Variants in ABRAXAS1 observed in about 807,000 individuals in gnomAD.
ABRAXAS1 encodes abraxas 1, BRCA1 A complex subunit, also known as BRCA1-A complex subunit Abraxas 1.
A neutral mutation model predicts 38.4 loss-of-function variants in ABRAXAS1; 26 were observed. That is an observed-to-expected ratio of 0.68 (90% CI 0.50 to 0.94). ABRAXAS1 has a LOEUF of 0.94. Among genes scored for constraint, ABRAXAS1 ranks in the 40% least tolerant of loss-of-function variants. ABRAXAS1 has a pLI of 0.00. For missense variants in ABRAXAS1, 438 were observed against 481.9 expected (o/e 0.91, Z 0.85); for synonymous variants, 144 against 165.5 (o/e 0.87, Z 1.00).
At chr4:83,466,047 GACTAAGCAC>G (rs1560572561) in intron 7 of ABRAXAS1, among the ~76,000 whole-genome samples, 1 of 152,110 alleles carries the variant, frequency 6.6e-6, no homozygotes, top group African/African-American at 2.4e-5. Flanking sequence ...CCTAGCCAAT[GACTAAGCAC>G]ACTGCAGGTA....
intron 3 of ABRAXAS1, among the ~76,000 whole-genome samples, chr4:83,475,047 G>A (rs1474881849): frequency 1.3e-5 from 2 of 152,148 alleles, no homozygotes; most frequent in Non-Finnish European, 2.9e-5. Flanking sequence ...AAAAGGCTCA[G>A]GCATTGGTTT....
intron 7 of ABRAXAS1, among the ~76,000 whole-genome samples, chr4:83,464,178 C>A (rs1431240860): frequency 6.6e-6 from 1 of 152,186 alleles, no homozygotes; most frequent in African/African-American, 2.4e-5. Flanking sequence ...CAGAGTGAGA[C>A]CCTGTCTCAA....
At position 83,470,364 on chromosome 4, in the gene ABRAXAS1, A is replaced by G. The variant is rs375331034; in HGVS notation, c.315T>C (p.His105=). 7 of 1,613,518 alleles carry G rather than the reference A, an allele frequency of 4.3e-6. No homozygotes were observed. The African/African-American group carries it at 9.3e-5, about 22-fold the overall frequency. Residue 105 remains histidine, a synonymous_variant, in exon 5 of 9, where the codon CAT becomes CAC. Transcript: ENST00000321945. Reference sequence around the variant, plus strand: ...CTCTAAACGTCATGATCTGATCTGAATGACGACGGAATTTGTACCAACCTA... The same window carrying G: ...CTCTAAACGTCATGATCTGATCTGAGTGACGACGGAATTTGTACCAACCTA... ...NVVGWYKFRR[H]SDQIMTFRER...
intron 5 of ABRAXAS1, 49 bp from the exon 6 acceptor site, chr4:83,469,200 T>C: frequency 6.9e-7 from 1 of 1,457,162 alleles, no homozygotes; most frequent in Non-Finnish European, 9.6e-7. Flanking sequence ...AAAGAAAGAT[T>C]AGTATCTACC....
chr4:83,468,769 A>G (rs1722475413), intron 6 of ABRAXAS1, among the ~76,000 whole-genome samples: 1 of 152,190 alleles, frequency 6.6e-6, no homozygotes, highest in African/African-American at 2.4e-5. Flanking sequence ...CCAACTCCTC[A>G]GCTCAAGTGA....
rs1424511449 is a variant in ABRAXAS1 at position 83,472,283 on chromosome 4, T to G, written c.221A>C (p.Tyr74Ser). The G allele has an allele frequency of 6.7e-7, 1 of 1,496,872 alleles. No homozygotes were observed. 92.7% of individuals were successfully genotyped at this position (1,496,872 alleles called of 1,614,324 possible). The part of the protein sequence containing the change: ...YIPCYQLFSF[Y>S]NSSGEVNEQA... ...CTCATTTACTTCGCCTGAAGAATTA[T>G]AAAAGCTGTAAAAGCCAAAATTAAA... Residue 74 changes from tyrosine to serine, a missense_variant, in exon 4 of 9, where the codon TAT becomes TCT. By Grantham distance (144) the Tyr-to-Ser change is moderately radical. Transcript: ENST00000321945.
chr4:83,472,254 C>A lies in ABRAXAS1; in HGVS notation c.250G>T (p.Ala84Ser). The A allele has an allele frequency of 1.3e-6, 2 of 1,531,938 alleles. No homozygotes were observed. Among genetic ancestry groups the A allele is most frequent in the Admixed American group, 2.1e-5 (1 of 48,362 alleles). 94.9% of individuals were successfully genotyped at this position (1,531,938 alleles called of 1,614,324 possible). ...ACATTTGATAATATTTTCTTCAGTG[C>A]TTGCTCATTTACTTCGCCTGAAGAA... Reference protein sequence around the residue: ...YNSSGEVNEQALKKILSNVKK... With the variant: ...YNSSGEVNEQSLKKILSNVKK... The change falls in exon 4 of 9, where the codon GCA becomes TCA. Residue 84 changes from alanine (A) to serine (S), a missense_variant. Physicochemically the swap from Ala to Ser is moderately conservative, Grantham distance 99 (BLOSUM62 1). This residue lies in a region of ABRAXAS1 where 194 missense variants were observed against 269.0 expected (regional missense o/e 0.72). Transcript: ENST00000321945.
In ABRAXAS1 at chr4:83,485,073, G is replaced by T. The variant is rs1485472026; in HGVS notation, c.-1C>A. 1 of 1,586,456 alleles carries T rather than the reference G, an allele frequency of 6.3e-7. No individual in the cohort carries two copies. The highest frequency in any genetic ancestry group is 1.4e-5 in the African/African-American group (1 of 71,958). On this transcript the variant is annotated 5_prime_UTR_variant, in exon 1 of 9. Transcript: ENST00000321945. Reference sequence around the variant, plus strand: ...CCGCCGACGTACTCTCCCCCTCCATGCTACCGCCGCCTCAGGCTACACAAG... The same window carrying T: ...CCGCCGACGTACTCTCCCCCTCCATTCTACCGCCGCCTCAGGCTACACAAG...
intron 3 of ABRAXAS1, among the ~76,000 whole-genome samples, chr4:83,475,969 A>T (rs766634995): frequency 1.3e-4 from 20 of 152,228 alleles, no homozygotes; most frequent in Non-Finnish European, 2.2e-4. Context: ...TGGGAAGCAG[A>T]GGAAGGAGGA....
chr4:83,464,339 A>G (rs1722266985), intron 7 of ABRAXAS1, among the ~76,000 whole-genome samples: 1 of 152,256 alleles, frequency 6.6e-6, no homozygotes, highest in Admixed American at 6.5e-5. Context: ...CCTGTAAGAG[A>G]AACTACTTTT....
chr4:83,485,080 C>T lies in ABRAXAS1; in HGVS notation c.-8G>A. On this transcript the variant is annotated 5_prime_UTR_variant, in exon 1 of 9. Transcript: ENST00000321945. Reference sequence around the variant, plus strand: ...CGTACTCTCCCCCTCCATGCTACCGCCGCCTCAGGCTACACAAGAGGACGA... The same window carrying T: ...CGTACTCTCCCCCTCCATGCTACCGTCGCCTCAGGCTACACAAGAGGACGA... The T allele has an allele frequency of 6.3e-7, 1 of 1,585,198 alleles. No individual in the cohort carries two copies. Among genetic ancestry groups the T allele is most frequent in the East Asian group, 2.4e-5 (1 of 41,928 alleles).
intron 4 of ABRAXAS1, 62 bp from the exon 5 acceptor site, chr4:83,470,458 T>C (rs1047680851): frequency 2.6e-6 from 3 of 1,161,940 alleles, no homozygotes; most frequent in African/African-American, 1.6e-5. Context: ...CTTACTATTA[T>C]AATTAAATAA....
rs745996212 is a variant in ABRAXAS1 at position 83,462,810 on chromosome 4, A to G, written c.889T>C (p.Cys297Arg). 3.1e-6 allele frequency: 5 copies of G among 1,612,390 alleles called. No individual in the cohort carries two copies. Among genetic ancestry groups the G allele is most frequent in the Non-Finnish European group, 4.2e-6 (5 of 1,179,542 alleles). ...TGTCTATTTTTTAAAGACATAACACATGAATGAAGAAATTCAGAATTTGGA... is the reference window on the plus strand; with the variant it reads ...TGTCTATTTTTTAAAGACATAACACGTGAATGAAGAAATTCAGAATTTGGA... ...FFPNSEFLHS[C>R]VMSLKNRHVS... Residue 297 changes from cysteine (C) to arginine (R), a missense_variant, in exon 9 of 9, where the codon TGT becomes CGT. Physicochemically the swap from Cys to Arg is radical, Grantham distance 180 (BLOSUM62 -3). Around this residue, in one of 3 missense-constraint regions of ABRAXAS1, gnomAD observed 184 missense variants for 181.9 expected, o/e 1.01. Coordinates refer to ENST00000321945, the MANE Select transcript of ABRAXAS1 (RefSeq NM_139076.3).
Position 83,459,907 on chromosome 4 carries a change from G to A in ABRAXAS1, c.*2562C>T, listed in dbSNP as rs972425239. Reference sequence around the variant, plus strand: ...CAAATTGTGCTATAAATTACTACTAGATCAGATACTACAGGGACTAGAGCT... The same window carrying A: ...CAAATTGTGCTATAAATTACTACTAAATCAGATACTACAGGGACTAGAGCT... On this transcript the variant is annotated 3_prime_UTR_variant, in exon 9 of 9. Coordinates refer to ENST00000321945, the MANE Select transcript of ABRAXAS1 (RefSeq NM_139076.3). 9.2e-6 allele frequency: 8 copies of A among 867,006 alleles called. No individual in the cohort carries two copies. The African/African-American group carries it at 1.2e-4, about 13-fold the overall frequency. 53.7% of individuals were successfully genotyped at this position (867,006 alleles called of 1,614,324 possible).
rs1203903546 is a variant in ABRAXAS1 at position 83,469,154 on chromosome 4, G to A, written c.477-3C>T. On this transcript the variant is annotated splice_polypyrimidine_tract_variant and splice_region_variant and intron_variant, in intron 5 of 8. Transcript: ENST00000321945. ...CTAAAGGTACCCTGTGAAAAAGTCTGACAAAATAAAACTTTAGAGTATAAA... is the reference window on the plus strand; with the variant it reads ...CTAAAGGTACCCTGTGAAAAAGTCTAACAAAATAAAACTTTAGAGTATAAA... 6.2e-7 allele frequency: 1 copy of A among 1,612,346 alleles called. No homozygotes were observed. Among genetic ancestry groups the A allele is most frequent in the African/African-American group, 1.3e-5 (1 of 74,762 alleles).
At chr4:83,468,494 C>G (rs1413643698) in intron 6 of ABRAXAS1, among the ~76,000 whole-genome samples, 1 of 152,056 alleles carries the variant, frequency 6.6e-6, no homozygotes, top group Non-Finnish European at 1.5e-5. Context: ...TACTTCCTTA[C>G]TTAATGGCCA....
At chr4:83,465,860 A>C in intron 7 of ABRAXAS1, among the ~76,000 whole-genome samples, 1 of 152,186 alleles carries the variant, frequency 6.6e-6, no homozygotes, top group Admixed American at 6.5e-5. Flanking sequence ...AAAGTAGTGT[A>C]ATATGAATCA....
chr4:83,468,516 A>AT (rs1239305757), intron 6 of ABRAXAS1, among the ~76,000 whole-genome samples: 2 of 152,154 alleles, frequency 1.3e-5, no homozygotes, highest in African/African-American at 4.8e-5. Flanking sequence ...AAAGAAAGTT[A>AT]TATATAAGCA....
intron 2 of ABRAXAS1, chr4:83,478,068 C>G (rs912412402): frequency 2.1e-6 from 2 of 932,356 alleles, no homozygotes; most frequent in African/African-American, 3.3e-5. Context: ...GCTCAGCATG[C>G]TGCCATCGTT....
Sources: allele counts gnomAD v4.1 joint callset (sites outside exome capture counted in the v4.1 genomes callset), GRCh38; gene constraint gnomAD v4.1.1; regional missense constraint gnomAD v4.1.1; transcripts MANE v1.5; gene names NCBI Gene and HGNC (gene_info 2026-07-23, HGNC 2026-07-21).